Variants in MST1R observed in about 807,000 individuals in gnomAD.
The protein encoded by MST1R is macrophage-stimulating protein receptor.
A neutral mutation model predicts 117.8 loss-of-function variants in MST1R; 99 were observed. The ratio of observed to expected loss-of-function variants is 0.84; its 90% CI spans 0.71 to 0.99. The LOEUF is 0.99. MST1R is among the 50% of genes least tolerant of loss of function. The probability of loss-of-function intolerance (pLI) is 0.00; values close to 1 mark genes in which losing one functional copy is unlikely to be tolerated. For missense variants in MST1R, 1,683 were observed against 1,840.2 expected (o/e 0.91, Z 1.56); for synonymous variants, 734 against 765.3 (o/e 0.96, Z 0.68).
At position 49,903,709 on chromosome 3, in the gene MST1R, T is replaced by G; in HGVS notation, c.-100A>C. ...GACTCGAGGTCTGGACTGGGCCAAA[T>G]TTAAGCAGCGGTCCCGACAGCCCCA... On this transcript the variant is annotated 5_prime_UTR_variant, in exon 1 of 20. Coordinates refer to ENST00000296474, the MANE Select transcript of MST1R (RefSeq NM_002447.4). 6.9e-7 allele frequency: 1 copy of G among 1,455,158 alleles called. No homozygotes were observed. Among genetic ancestry groups the G allele is most frequent in the African/African-American group, 1.4e-5 (1 of 70,534 alleles). The allele number at this position is 1,455,158 out of a possible 1,614,324, so 90.1% of individuals were successfully genotyped here. A position where few individuals can be genotyped will look rare whatever the true frequency, so the allele number is the denominator to read the frequency against.
In MST1R at chr3:49,895,283, A is replaced by C. The variant is rs1462352901; in HGVS notation, c.3155T>G (p.Leu1052Arg). 1.2e-6 allele frequency: 2 copies of C among 1,614,238 alleles called. No homozygotes were observed. The highest frequency in any genetic ancestry group is 2.2e-5 in the South Asian group (2 of 91,088). The change falls in exon 14 of 20, where the codon CTG becomes CGG. Residue 1052 changes from leucine to arginine, a missense_variant. Transcript: ENST00000296474. ...CCTTAGCTGGATGGACTCTTTCCGC[A>C]GCAGTGGCACACAGGATTCATCTTC... ...DSEDESCVPL[L>R]RKESIQLRDL...
At chr3:49,898,755 G>GGTA in intron 3 of MST1R, 67 bp from the exon 4 acceptor site, 3 of 1,605,328 alleles carry the variant, frequency 1.9e-6, no homozygotes, top group Non-Finnish European at 8.5e-7. Flanking sequence ...AGACCCTCCC[G>GGTA]GTACACAGTA....
rs2082738852 is a variant in MST1R at position 49,902,964 on chromosome 3, CTG to C, written c.644_645del (p.Ser215CysfsTer9). The C allele has an allele frequency of 1.9e-6, 3 of 1,613,194 alleles. No individual in the cohort carries two copies. The East Asian group carries it at 6.7e-5, about 36-fold the overall frequency. ...AAVAASFSPR[S>X]VSIRRLKADA... ...TCAGCCTTGAGACGCCTGATAGACA[CTG>C]AGCGTGGGCTGAAGCTGGCAGCCAC... On this transcript the variant is annotated frameshift_variant, in exon 1 of 20. Transcript: ENST00000296474. LOFTEE classifies it high-confidence loss of function.
chr3:49,887,513 T>C lies in MST1R; in HGVS notation c.3997A>G (p.Thr1333Ala), dbSNP rs200341395. ...CWEADPAVRP[T>A]FRVLVGEVEQ... ...ACCTCCCCCACTAGTACTCTGAAGGTGGGTCGCACTGCTGGGTCTGCCTCC... is the reference window on the plus strand; with the variant it reads ...ACCTCCCCCACTAGTACTCTGAAGGCGGGTCGCACTGCTGGGTCTGCCTCC... The change falls in exon 20 of 20, where the codon ACC becomes GCC. Residue 1333 changes from threonine (T) to alanine (A), a missense_variant. By Grantham distance (58) the Thr-to-Ala change is moderately conservative. Coordinates refer to ENST00000296474, the MANE Select transcript of MST1R (RefSeq NM_002447.4). The C allele has an allele frequency of 9.9e-6, 16 of 1,614,142 alleles. No homozygotes were observed. In the African/African-American group the frequency reaches 2.1e-4, roughly 22 times the overall value.
At chr3:49,890,116 G>C in intron 18 of MST1R, 56 bp from the exon 19 acceptor site, 1 of 1,538,432 alleles carries the variant, frequency 6.5e-7, no homozygotes, top group Non-Finnish European at 8.7e-7. Flanking sequence ...GGGGCAGGTG[G>C]GTCCCCCAGG....
intron 12 of MST1R, 74 bp downstream of exon 12, chr3:49,895,641 G>A: frequency 6.2e-7 from 1 of 1,611,678 alleles, no homozygotes; most frequent in Non-Finnish European, 8.5e-7. Context: ...CCTGGGCAGA[G>A]AGAGGATGTA....
At chr3:49,895,018 A>T (rs997247945) in intron 14 of MST1R, 149 bp downstream of exon 14, 7 of 767,912 alleles carry the variant, frequency 9.1e-6, no homozygotes, top group Non-Finnish European at 1.3e-5. Flanking sequence ...TCACTGTGTT[A>T]GCCAGGACGG....
At chr3:49,892,725 G>A (rs1044543016) in intron 14 of MST1R, among the ~76,000 whole-genome samples, 5 of 151,686 alleles carry the variant, frequency 3.3e-5, no homozygotes, top group African/African-American at 7.3e-5. Context: ...ATGCTGGGGC[G>A]GGAGGATCAG....
chr3:49,890,146 C>T, intron 18 of MST1R, 86 bp from the exon 19 acceptor site: 1 of 1,489,816 alleles, frequency 6.7e-7, no homozygotes, highest in Non-Finnish European at 9.0e-7. Context: ...TCCCAGAGTC[C>T]TTCAGCTGGA....
chr3:49,890,062 T>TGTG lies in MST1R; in HGVS notation c.3811-5_3811-3dup, dbSNP rs1439674657. ...CCACAGCAGCACACCAAATGACCAC[T>TGTG]GTGGAAAGGGGGAGGTGAGGGGACT... On this transcript the variant is annotated splice_polypyrimidine_tract_variant and splice_region_variant and intron_variant, in intron 18 of 19. Transcript: ENST00000296474. The TGTG allele has an allele frequency of 1.3e-6, 2 of 1,597,816 alleles. No individual in the cohort carries two copies. The highest frequency in any genetic ancestry group is 1.3e-5 in the African/African-American group (1 of 74,622).
intron 1 of MST1R, 133 bp from the exon 2 acceptor site, chr3:49,899,396 T>C: frequency 2.1e-6 from 2 of 932,884 alleles, no homozygotes; most frequent in Non-Finnish European, 3.2e-6. Flanking sequence ...GCCCTGGGCC[T>C]GCCGGTTACC....
Position 49,897,354 on chromosome 3 carries a change from A to G in MST1R, c.2109T>C (p.Thr703=), listed in dbSNP as rs1406021388. 1 of 1,613,842 alleles carries G rather than the reference A, an allele frequency of 6.2e-7. No individual in the cohort carries two copies. The highest frequency in any genetic ancestry group is 8.5e-7 in the Non-Finnish European group (1 of 1,179,978). Residue 703 remains threonine, a synonymous_variant, in exon 7 of 20, where the codon ACT becomes ACC. Coordinates refer to ENST00000296474, the MANE Select transcript of MST1R (RefSeq NM_002447.4). The part of the protein sequence containing the change: ...FGPRAGGTCL[T]LEGQSLSVGT... ...CTACAGACAGACTCTGGCCTTCAAG[A>G]GTGAGACAGGTGCCTCCTGCCCGTG... is the stretch of plus-strand genomic sequence containing the variant.
In MST1R at chr3:49,903,384, T is replaced by C; in HGVS notation, c.226A>G (p.Asn76Asp). 1 of 1,614,046 alleles carries C rather than the reference T, an allele frequency of 6.2e-7. No homozygotes were observed. Among genetic ancestry groups the C allele is most frequent in the East Asian group, 2.2e-5 (1 of 44,882 alleles). ...NESAVFVAIR[N>D]RLHVLGPDLK... is the part of the protein sequence containing the mutation. ...TCAGGCCCAAGCACATGCAGGCGAT[T>C]GCGTATGGCTACAAACACAGCACTC... The change falls in exon 1 of 20, where the codon AAT (asparagine) becomes GAT (aspartate). Residue 76 changes from asparagine (N) to aspartate (D), a missense_variant. Physicochemically the swap from Asn to Asp is conservative, Grantham distance 23. Transcript: ENST00000296474.
intron 1 of MST1R, among the ~76,000 whole-genome samples, chr3:49,902,043 C>A (rs1052491341): frequency 2.6e-5 from 4 of 152,028 alleles, no homozygotes; most frequent in Non-Finnish European, 1.5e-5. Flanking sequence ...TTCTACCCAG[C>A]ATTCAGGAGC....
At chr3:49,901,096 G>C (rs576343488) in intron 1 of MST1R, among the ~76,000 whole-genome samples, 1 of 152,320 alleles carries the variant, frequency 6.6e-6, no homozygotes, top group South Asian at 2.1e-4. Context: ...GCTGGGGAGA[G>C]GTTCTGACTC....
At chr3:49,890,430 C>T in intron 18 of MST1R, 55 bp downstream of exon 18, 1 of 1,559,434 alleles carries the variant, frequency 6.4e-7, no homozygotes, top group Non-Finnish European at 8.7e-7. Context: ...ATGGGTGAGG[C>T]CCAGTGTTCT....
At position 49,903,642 on chromosome 3, in the gene MST1R, C is replaced by A. The variant is rs1483127853; in HGVS notation, c.-33G>T. ...AGCTGGGACCCTAGAGGATCCCTAC[C>A]GGCCTGGGCCTGGACCTGGGCGTGG... is the stretch of plus-strand genomic sequence containing the variant. On this transcript the variant is annotated 5_prime_UTR_variant, in exon 1 of 20. Coordinates refer to ENST00000296474, the MANE Select transcript of MST1R (RefSeq NM_002447.4). 7 of 1,534,518 alleles carry A rather than the reference C, an allele frequency of 4.6e-6. No individual in the cohort carries two copies. Among genetic ancestry groups the A allele is most frequent in the Admixed American group, 3.8e-5 (2 of 52,434 alleles).
Position 49,887,070 on chromosome 3 carries a change from T to A in MST1R, c.*237A>T. 2 of 599,546 alleles carry A rather than the reference T, an allele frequency of 3.3e-6. No homozygotes were observed. The highest frequency in any genetic ancestry group is 5.6e-5 in the East Asian group (2 of 35,766). The allele number at this position is 599,546 out of a possible 1,614,324, so 37.1% of individuals were successfully genotyped here. On this transcript the variant is annotated 3_prime_UTR_variant, in exon 20 of 20. Coordinates refer to ENST00000296474, the MANE Select transcript of MST1R (RefSeq NM_002447.4). ...CAGTGTTGGTGTGGTCACTGCTGAG[T>A]CCACTGTGCCCAGAAGACAGGGTCC... is the stretch of plus-strand genomic sequence containing the variant.
Position 49,902,726 on chromosome 3 carries a change from T to A in MST1R, c.884A>T (p.Glu295Val). ...AGCAAATCTGCAGTCGAGGACCAGC[T>A]CCCGATAGTCACCCAACTCTGGCTC... The part of the protein sequence containing the change: ...ATEPELGDYR[E>V]LVLDCRFAPK... The change falls in exon 1 of 20, where the codon GAG (glutamate) becomes GTG (valine). Residue 295 changes from glutamate to valine, a missense_variant. Transcript: ENST00000296474. 1 of 1,613,684 alleles carries A rather than the reference T, an allele frequency of 6.2e-7. No homozygotes were observed. The highest frequency in any genetic ancestry group is 8.5e-7 in the Non-Finnish European group (1 of 1,180,032).
Sources: gnomAD v4.1 joint callset for allele counts (sites outside exome capture counted in the v4.1 genomes callset) on GRCh38, gnomAD v4.1.1 for gene constraint, MANE v1.5 for transcripts, NCBI Gene and HGNC (gene_info 2026-07-23, HGNC 2026-07-21) for gene names.